Variants in USP6NL observed in about 807,000 individuals in gnomAD.
USP6NL encodes the protein USP6 N-terminal-like protein.
Under a neutral mutation model 61.9 loss-of-function variants are expected in USP6NL, and 26 were observed. That is an observed-to-expected ratio of 0.42 (90% CI 0.31 to 0.58). The LOEUF is 0.58. Among genes scored for constraint, USP6NL ranks in the 20% least tolerant of loss-of-function variants. The pLI is 0.16. For missense variants in USP6NL, 1,114 were observed against 1,034.3 expected (o/e 1.08, Z -1.06); for synonymous variants, 432 against 390.1 (o/e 1.11, Z -1.27).
chr10:11,543,342 T>A (rs568373303), intron 2 of USP6NL, among the ~76,000 whole-genome samples: 2 of 152,004 alleles, frequency 1.3e-5, no homozygotes, highest in Admixed American at 6.5e-5. Context: ...GAGATCGAGG[T>A]CATCCTGGCT....
chr10:11,553,326 C>T lies in USP6NL; in HGVS notation c.5-25759G>A, dbSNP rs1321312106. Among the ~76,000 whole-genome samples, 2 of 152,190 alleles carry T rather than the reference C, an allele frequency of 1.3e-5. No individual in the cohort carries two copies. Among genetic ancestry groups the T allele is most frequent in the African/African-American group, 4.8e-5 (2 of 41,434 alleles). ...ACTTGCCAATAATGACAATTAACAA[C>T]ACTGAAATTCAAATCTTTCTCTAAA... On this transcript the variant is annotated intron_variant, in intron 2 of 14. Coordinates refer to ENST00000609104, the MANE Select transcript of USP6NL (RefSeq NM_014688.5). The surrounding 1 kb of genome is among the most constrained non-coding windows in gnomAD (Gnocchi z 4.8).
chr10:11,524,228 A>G (rs974783402), intron 4 of USP6NL, among the ~76,000 whole-genome samples: 4 of 152,214 alleles, frequency 2.6e-5, no homozygotes, highest in Non-Finnish European at 5.9e-5. Flanking sequence ...CAAAAACAAA[A>G]CAGTCTTCTG....
intron 5 of USP6NL, among the ~76,000 whole-genome samples, chr10:11,514,171 T>C (rs1417484254): frequency 1.3e-5 from 2 of 151,470 alleles, no homozygotes; most frequent in Non-Finnish European, 3.0e-5. Flanking sequence ...ACAGGGCGCA[T>C]ATCATGTTCC....
chr10:11,572,717 TAAAG>T (rs1361293246), intron 2 of USP6NL, among the ~76,000 whole-genome samples: 2 of 152,086 alleles, frequency 1.3e-5, no homozygotes, highest in Non-Finnish European at 2.9e-5. Context: ...TCAAATCATA[TAAAG>T]ATAGAATGCT....
rs371485917 is a variant in USP6NL, at chr10:11,470,168, C to T, written c.1079-6319G>A. On this transcript the variant is annotated intron_variant, in intron 14 of 14. Coordinates refer to ENST00000609104, the MANE Select transcript of USP6NL (RefSeq NM_014688.5). The surrounding 1 kb of genome is among the most constrained non-coding windows in gnomAD (Gnocchi z 5.4). ...AAGAAGGAAGACGTGGCGGGGAGGT[C>T]ACGGAAGGCAAGTAATGGAGAGGAC... 3.3e-4 allele frequency among the ~76,000 whole-genome samples: 50 copies of T among 152,160 alleles called. No homozygotes were observed. Among genetic ancestry groups the T allele is most frequent in the African/African-American group, 1.1e-3 (44 of 41,520 alleles).
rs1052501017 is a variant in USP6NL, at chr10:11,589,134, G to A, written c.4+8497C>T. ...GTAAAGGTTTCCCCTTAGCAGTAAG[G>A]CAACCTGCTTTATATAGCTTCTAGG... On this transcript the variant is annotated intron_variant, in intron 2 of 14. Coordinates refer to ENST00000609104, the MANE Select transcript of USP6NL (RefSeq NM_014688.5). This position sits in a 1 kb window ranked among gnomAD's most constrained non-coding sequence, Gnocchi z 4.7. 1.3e-5 allele frequency among the ~76,000 whole-genome samples: 2 copies of A among 152,278 alleles called. No individual in the cohort carries two copies. The highest frequency in any genetic ancestry group is 4.1e-4 in the South Asian group (2 of 4,824).
chr10:11,599,618 T>C (rs1348221293), intron 1 of USP6NL, among the ~76,000 whole-genome samples: 1 of 152,204 alleles, frequency 6.6e-6, no homozygotes, highest in African/African-American at 2.4e-5. Context: ...TGTTTTGGAA[T>C]GTCATGGATT....
rs935544640 is a variant in USP6NL, at chr10:11,476,493, A to G, written c.1078+5277T>C. On this transcript the variant is annotated intron_variant, in intron 14 of 14. Coordinates refer to ENST00000609104, the MANE Select transcript of USP6NL (RefSeq NM_014688.5). This position sits in a 1 kb window ranked among gnomAD's most constrained non-coding sequence, Gnocchi z 4.3. Reference sequence around the variant, plus strand: ...ATAAAAAAGTTTCAAAAAATGTTTCAACAGCAACTACAAAACATACAGAAA... The same window carrying G: ...ATAAAAAAGTTTCAAAAAATGTTTCGACAGCAACTACAAAACATACAGAAA... Among the ~76,000 whole-genome samples the G allele has an allele frequency of 6.6e-6, 1 of 152,234 alleles. No homozygotes were observed. Among genetic ancestry groups the G allele is most frequent in the Admixed American group, 6.5e-5 (1 of 15,286 alleles).
intron 2 of USP6NL, among the ~76,000 whole-genome samples, chr10:11,580,335 C>T (rs1307034079): frequency 6.6e-6 from 1 of 152,028 alleles, no homozygotes. Flanking sequence ...GAATCAAAAG[C>T]CTTAGCCTTT....
intron 2 of USP6NL, among the ~76,000 whole-genome samples, chr10:11,550,822 T>C (rs556609188): frequency 1.0e-4 from 15 of 147,820 alleles, no homozygotes; most frequent in Admixed American, 8.0e-4. Context: ...GAGATTTGAA[T>C]AGACACTTCA....
At chr10:11,555,431 AAAATATAT>A (rs1836658768) in intron 2 of USP6NL, among the ~76,000 whole-genome samples, 1 of 77,952 alleles carries the variant, frequency 1.3e-5, no homozygotes, top group African/African-American at 5.9e-5. Flanking sequence ...AAAAAAAAAA[AAAATATAT>A]ATATATATAT....
chr10:11,567,675 A>G (rs1837214310), intron 2 of USP6NL, among the ~76,000 whole-genome samples: 1 of 152,236 alleles, frequency 6.6e-6, no homozygotes, highest in South Asian at 2.1e-4. Flanking sequence ...ATTATTAGCC[A>G]TCTAAGAGAT....
chr10:11,530,277 T>C (rs1462319825), intron 2 of USP6NL, among the ~76,000 whole-genome samples: 4 of 152,200 alleles, frequency 2.6e-5, no homozygotes, highest in Non-Finnish European at 4.4e-5. Flanking sequence ...TTAATCCTGC[T>C]ACCAGTCCTA....
At chr10:11,529,193 C>T (rs1835546383) in intron 2 of USP6NL, among the ~76,000 whole-genome samples, 1 of 151,994 alleles carries the variant, frequency 6.6e-6, no homozygotes, top group African/African-American at 2.4e-5. Context: ...AAAAAATCAA[C>T]TTCATTAGTA....
intron 1 of USP6NL, among the ~76,000 whole-genome samples, chr10:11,599,243 A>C (rs145403712): frequency 6.6e-6 from 1 of 152,326 alleles, no homozygotes; most frequent in East Asian, 1.9e-4. Context: ...GGCAGGATTA[A>C]ACGTTCACAG....
In USP6NL at chr10:11,547,997, T is replaced by A. The variant is rs145590656; in HGVS notation, c.5-20430A>T. 1.2e-3 allele frequency among the ~76,000 whole-genome samples: 190 copies of A among 152,298 alleles called. 1 individual carries two copies. Among genetic ancestry groups the A allele is most frequent in the Non-Finnish European group, 2.2e-3 (151 of 68,020 alleles). On this transcript the variant is annotated intron_variant, in intron 2 of 14. Transcript: ENST00000609104. ...TTGGAAGGAAACTTAAAGCTCAACC[T>A]CTCACAAATGATGATATCCCCTCGA...
intron 2 of USP6NL, among the ~76,000 whole-genome samples, chr10:11,541,272 T>C (rs910307341): frequency 2.1e-4 from 28 of 132,770 alleles, no homozygotes; most frequent in Non-Finnish European, 3.7e-4. Flanking sequence ...TATATATATA[T>C]ATATGTATGT....
intron 6 of USP6NL, among the ~76,000 whole-genome samples, chr10:11,509,224 G>C (rs11257135): frequency 0.088 from 13,449 of 152,192 alleles, 687 homozygotes; most frequent in South Asian, 0.2. Context: ...ACAAAGCCTG[G>C]AACTGCTCCA....
At chr10:11,514,506 T>G (rs1834870015) in intron 5 of USP6NL, among the ~76,000 whole-genome samples, 2 of 152,264 alleles carry the variant, frequency 1.3e-5, no homozygotes, top group South Asian at 4.1e-4. Context: ...TTATTCTTTT[T>G]GAACCTCAAA....
Sources: allele counts gnomAD v4.1 joint callset (sites outside exome capture counted in the v4.1 genomes callset), GRCh38; gene constraint gnomAD v4.1.1; non-coding constraint Gnocchi (gnomAD v3.1); transcripts MANE v1.5; gene names NCBI Gene and HGNC (gene_info 2026-07-23, HGNC 2026-07-21).